Variants in SPAG6 observed in about 807,000 individuals in gnomAD.
The protein encoded by SPAG6 is sperm associated antigen 6.
In SPAG6, 49 loss-of-function variants were observed where a neutral mutation model predicts 58.5. The ratio of observed to expected loss-of-function variants is 0.84; its 90% CI spans 0.67 to 1.06. SPAG6 has a LOEUF of 1.06. SPAG6 is among the 50% of genes least tolerant of loss of function. The pLI, the probability that SPAG6 is intolerant of heterozygous loss-of-function variation, is 0.00. For synonymous variants in SPAG6, 233 were observed against 225.6 expected, an observed-to-expected ratio of 1.03 and a Z score of -0.29; for missense variants, 560 against 611.3, an observed-to-expected ratio of 0.92 and a Z score of 0.89.
At chr10:22,409,519 C>G (rs534272224) in intron 9 of SPAG6, among the ~76,000 whole-genome samples, 1 of 152,100 alleles carries the variant, frequency 6.6e-6, no homozygotes, top group South Asian at 2.1e-4. Context: ...GGAGAGCAGA[C>G]AAAACAATTA....
intron 10 of SPAG6, chr10:22,413,088 A>AG (rs1834781430): frequency 6.7e-6 from 1 of 149,522 alleles, no homozygotes; most frequent in African/African-American, 2.4e-5. Flanking sequence ...AAAAAAAAAA[A>AG]GAACTAAAGT....
In SPAG6 at chr10:22,368,534, G is replaced by A; in HGVS notation, c.328G>A (p.Val110Ile). The A allele has an allele frequency of 6.2e-7, 1 of 1,614,038 alleles. No homozygotes were observed. Among genetic ancestry groups the A allele is most frequent in the South Asian group, 1.1e-5 (1 of 91,078 alleles). Residue 110 changes from valine (V) to isoleucine (I), a missense_variant, in exon 4 of 11, where the codon GTT (valine) becomes ATT (isoleucine). Coordinates refer to ENST00000376624, the MANE Select transcript of SPAG6 (RefSeq NM_012443.4). ...AGCAGCTGCCTTTGTGTTACGAGCA[G>A]TTGGTAAACATTCTCCCCAGCTAGC... ...KKAAAFVLRA[V>I]GKHSPQLAQA...
chr10:22,409,965 C>T (rs1250839519), intron 9 of SPAG6, among the ~76,000 whole-genome samples: 2 of 152,124 alleles, frequency 1.3e-5, no homozygotes, highest in Non-Finnish European at 2.9e-5. Flanking sequence ...TAAAGTTTGC[C>T]TTGACTTCCT....
intron 2 of SPAG6, 38 bp from the exon 3 acceptor site, chr10:22,364,815 A>G: frequency 1.9e-6 from 3 of 1,539,482 alleles, no homozygotes; most frequent in Non-Finnish European, 8.8e-7. Flanking sequence ...TTTTAATTTA[A>G]ATTTTCCTGA....
In SPAG6 at chr10:22,368,452, A is replaced by C. The variant is rs759734358; in HGVS notation, c.289-43A>C. The C allele has an allele frequency of 1.9e-6, 3 of 1,565,576 alleles. No individual in the cohort carries two copies. In the African/African-American group the frequency reaches 4.1e-5, roughly 21 times the overall value. On this transcript the variant is annotated intron_variant, in intron 3 of 10. Transcript: ENST00000376624. ...GTCTATTTTAGATTTTGGTTTTCTA[A>C]GTACTCAATTCATTTTGAGTTTTGT... is the stretch of plus-strand genomic sequence containing the variant.
chr10:22,413,695 A>G (rs1834800583), intron 10 of SPAG6, among the ~76,000 whole-genome samples: 1 of 150,050 alleles, frequency 6.7e-6, no homozygotes, highest in Non-Finnish European at 1.5e-5. Flanking sequence ...TCTGATATAT[A>G]TATATATATA....
chr10:22,401,682 G>A (rs1041991161), intron 9 of SPAG6, among the ~76,000 whole-genome samples: 4 of 152,150 alleles, frequency 2.6e-5, no homozygotes, highest in Admixed American at 2.6e-4. Flanking sequence ...GTACTTTACT[G>A]GAGATGTTCT....
At chr10:22,401,395 C>G in intron 9 of SPAG6, 118 bp downstream of exon 9, 1 of 662,294 alleles carries the variant, frequency 1.5e-6, no homozygotes, top group South Asian at 1.7e-5. Context: ...TACTGCTTAA[C>G]TCTCACCAAT....
intron 3 of SPAG6, among the ~76,000 whole-genome samples, chr10:22,367,735 A>T (rs1352308129): frequency 6.6e-6 from 1 of 152,176 alleles, no homozygotes; most frequent in Non-Finnish European, 1.5e-5. Context: ...GAAACATGTT[A>T]GTCTTGTGTT....
At chr10:22,360,762 T>G in intron 2 of SPAG6, 2 of 1,520,096 alleles carry the variant, frequency 1.3e-6, no homozygotes, top group East Asian at 4.9e-5. Context: ...CTAGAGGCCT[T>G]GTTTATCAGA....
chr10:22,357,759 A>G (rs1365167233), intron 2 of SPAG6, among the ~76,000 whole-genome samples: 1 of 107,660 alleles, frequency 9.3e-6, no homozygotes, highest in Non-Finnish European at 1.7e-5. Flanking sequence ...AACAGTCCCC[A>G]GAGTGTGATG....
intron 7 of SPAG6, 57 bp downstream of exon 7, chr10:22,389,369 C>A: frequency 6.5e-7 from 1 of 1,536,276 alleles, no homozygotes; most frequent in South Asian, 1.1e-5. Flanking sequence ...GACAGAACCA[C>A]AGATTAATGT....
intron 9 of SPAG6, among the ~76,000 whole-genome samples, chr10:22,405,740 G>A (rs1834536305): frequency 6.6e-6 from 1 of 152,194 alleles, no homozygotes; most frequent in Non-Finnish European, 1.5e-5. Flanking sequence ...ACGTCTGGTA[G>A]AATTCGGCTG....
intron 9 of SPAG6, among the ~76,000 whole-genome samples, chr10:22,406,567 C>T (rs1206915961): frequency 6.6e-6 from 1 of 152,054 alleles, no homozygotes; most frequent in African/African-American, 2.4e-5. Context: ...AGTATGTGAT[C>T]AATTTTGGAA....
intron 4 of SPAG6, among the ~76,000 whole-genome samples, chr10:22,370,169 A>G (rs773379446): frequency 6.6e-5 from 10 of 152,242 alleles, no homozygotes; most frequent in African/African-American, 1.4e-4. Flanking sequence ...ATAAGTTTTT[A>G]TGTGGATATA....
chr10:22,411,698 A>T (rs1224834329), intron 10 of SPAG6: 1 of 152,244 alleles, frequency 6.6e-6, no homozygotes, highest in African/African-American at 2.4e-5. Context: ...TTCAGGATTA[A>T]TAAAAAAGAT....
intron 9 of SPAG6, among the ~76,000 whole-genome samples, chr10:22,402,884 T>C (rs973641281): frequency 1.3e-5 from 2 of 152,230 alleles, no homozygotes; most frequent in Admixed American, 6.5e-5. Context: ...CAGAGTTATC[T>C]GTTCTTGAAC....
intron 2 of SPAG6, among the ~76,000 whole-genome samples, chr10:22,346,430 GTTCTTCTTC>G (rs71393995): frequency 0.02 from 1,878 of 95,968 alleles, 34 homozygotes; most frequent in South Asian, 0.03. Context: ...AGAGAAAATG[GTTCTTCTTC>G]TTCTTCTTCT....
intron 4 of SPAG6, among the ~76,000 whole-genome samples, chr10:22,371,739 T>C (rs896122206): frequency 6.6e-6 from 1 of 152,168 alleles, no homozygotes; most frequent in Non-Finnish European, 1.5e-5. Context: ...AAGGAAAAAG[T>C]TCTGTGTACA....
Sources: allele counts gnomAD v4.1 joint callset (sites outside exome capture counted in the v4.1 genomes callset), GRCh38; gene constraint gnomAD v4.1.1; transcripts MANE v1.5; gene names NCBI Gene and HGNC (gene_info 2026-07-23, HGNC 2026-07-21).